The following EYA3 variants were observed in gnomAD, a reference collection of about 807,000 sequenced individuals.
The protein encoded by EYA3 is protein phosphatase EYA3.
Under a neutral mutation model 80.0 loss-of-function variants are expected in EYA3, and 39 were observed. The observed-to-expected ratio is 0.49, with a 90% CI of 0.38 to 0.64. The LOEUF (loss-of-function observed/expected upper bound fraction) is 0.64, where lower values mean the gene tolerates loss of function less well. Among genes scored for constraint, EYA3 ranks in the 30% least tolerant of loss-of-function variants. EYA3 has a pLI of 0.00. For missense variants in EYA3, 523 were observed against 676.1 expected (o/e 0.77, Z 2.51); for synonymous variants, 206 against 232.8 (o/e 0.88, Z 1.05).
rs150811123 is a variant in EYA3, at chr1:28,019,836, G to A, written c.500-2597C>T. ...CTGCCTCAGTTTCCCAGGTAGCTGAGATTACAGACATGCACCACCAAGCCC... is the reference window on the plus strand; with the variant it reads ...CTGCCTCAGTTTCCCAGGTAGCTGAAATTACAGACATGCACCACCAAGCCC... On this transcript the variant is annotated intron_variant, in intron 7 of 17. Coordinates refer to ENST00000373871, the MANE Select transcript of EYA3 (RefSeq NM_001990.4). 6.8e-3 allele frequency among the ~76,000 whole-genome samples: 1,034 copies of A among 152,172 alleles called. 4 individuals are homozygous for A. The highest frequency in any genetic ancestry group is 0.012 in the Non-Finnish European group (835 of 68,002).
intron 6 of EYA3, among the ~76,000 whole-genome samples, 155 bp downstream of exon 6, chr1:28,035,389 T>A (rs1331724005): frequency 6.6e-6 from 1 of 152,144 alleles, no homozygotes; most frequent in East Asian, 1.9e-4. Context: ...AAAACTATGA[T>A]TTTTTTATTA....
intron 10 of EYA3, among the ~76,000 whole-genome samples, chr1:28,008,210 A>C (rs1322608590): frequency 1.3e-5 from 2 of 152,178 alleles, no homozygotes; most frequent in African/African-American, 4.8e-5. Flanking sequence ...TCTTTTCAAC[A>C]AATAGTGCTG....
chr1:27,994,496 G>A (rs936958901), intron 13 of EYA3, among the ~76,000 whole-genome samples: 3 of 151,892 alleles, frequency 2.0e-5, no homozygotes, highest in Non-Finnish European at 4.4e-5. Context: ...GTCCCGCCTC[G>A]GCCAACATGG....
Position 28,038,870 on chromosome 1 carries a change from T to C in EYA3, c.193A>G (p.Asn65Asp), listed in dbSNP as rs1434983546. The C allele has an allele frequency of 6.2e-7, 1 of 1,601,000 alleles. No homozygotes were observed. Among genetic ancestry groups the C allele is most frequent in the South Asian group, 1.1e-5 (1 of 88,826 alleles). The change falls in exon 5 of 18, where the codon AAT becomes GAT. Residue 65 changes from asparagine (N) to aspartate (D), a missense_variant. By Grantham distance (23) the Asn-to-Asp change is conservative. This residue lies in a region of EYA3 where 304 missense variants were observed against 343.3 expected (regional missense o/e 0.89). Coordinates refer to ENST00000373871, the MANE Select transcript of EYA3 (RefSeq NM_001990.4). ...TCTDYIPRSS[N>D]DYTSQMYSAK... is the part of the protein sequence containing the mutation. ...GAATACATTTGTGAGGTATAATCAT[T>C]GGATGAGCGAGGGATGTAATCGGTG...
Position 27,977,301 on chromosome 1 carries a change from C to T in EYA3, c.1641+1073G>A, listed in dbSNP as rs541674218. ...CCAATCTCATAGTTTATTATAGTTG[C>T]TAAGGTTTCCACTTAACTGGATGAA... On this transcript the variant is annotated intron_variant, in intron 17 of 17. Transcript: ENST00000373871. 10 of 1,550,356 alleles carry T rather than the reference C, an allele frequency of 6.5e-6. No individual in the cohort carries two copies. The African/African-American group carries it at 9.6e-5, about 15-fold the overall frequency.
At chr1:27,984,067 T>C (rs976811921) in intron 16 of EYA3, among the ~76,000 whole-genome samples, 2 of 152,252 alleles carry the variant, frequency 1.3e-5, no homozygotes. Context: ...CTCCTTCTGT[T>C]GCCCAGGCTA....
At chr1:28,058,228 T>C in intron 1 of EYA3, 134 bp from the exon 2 acceptor site, 1 of 417,030 alleles carries the variant, frequency 2.4e-6, no homozygotes, top group Admixed American at 4.0e-5. Context: ...ATCTCAAACC[T>C]GCACGTGGCT....
At chr1:27,997,252 C>T (rs1450282506) in intron 13 of EYA3, 68 bp downstream of exon 13, 1 of 1,425,386 alleles carries the variant, frequency 7.0e-7, no homozygotes, top group East Asian at 2.3e-5. Context: ...TGTTTTCCTC[C>T]AAACCTAGAC....
Position 28,012,307 on chromosome 1 carries a change from T to C in EYA3, c.769+804A>G, listed in dbSNP as rs189990108. ...AACAAAGATATTTAGAAAAATGACT[T>C]TAAAACCTTAGTTTTTAATCAACAC... is the stretch of plus-strand genomic sequence containing the variant. On this transcript the variant is annotated intron_variant, in intron 9 of 17. Transcript: ENST00000373871. Among the ~76,000 whole-genome samples, 315 of 152,348 alleles carry C rather than the reference T, an allele frequency of 2.1e-3. 1 individual carries two copies. The highest frequency in any genetic ancestry group is 7.3e-3 in the African/African-American group (302 of 41,578).
chr1:28,035,287 T>C (rs1301330997), intron 6 of EYA3, among the ~76,000 whole-genome samples: 2 of 152,178 alleles, frequency 1.3e-5, no homozygotes, highest in Non-Finnish European at 2.9e-5. Flanking sequence ...GTCAAATCAA[T>C]AGCAAATCCT....
At chr1:28,057,897 T>G (rs1557626615) in intron 2 of EYA3, 97 bp downstream of exon 2, 13 of 657,530 alleles carry the variant, frequency 2.0e-5, no homozygotes, top group Non-Finnish European at 3.1e-5. Flanking sequence ...TTCCTTATTT[T>G]TATTTCTAAT....
chr1:28,025,682 A>T (rs1338726277), intron 7 of EYA3, among the ~76,000 whole-genome samples: 1 of 152,218 alleles, frequency 6.6e-6, no homozygotes, highest in Non-Finnish European at 1.5e-5. Flanking sequence ...AAAGGAAAAA[A>T]TGTTCTAACA....
At chr1:28,015,918 A>G (rs1292308493) in intron 8 of EYA3, among the ~76,000 whole-genome samples, 1 of 152,236 alleles carries the variant, frequency 6.6e-6, no homozygotes, top group East Asian at 1.9e-4. Context: ...ACAAAGAGAC[A>G]TAAAAAGGGC....
rs1638838071 is a variant in EYA3, at chr1:27,974,353, TAGAGAC to T, written c.*107_*112del. ...AGAGAAAGAGAGAAAGAGAGAGAGA[TAGAGAC>T]AGAGACACAGAGAGAGACAGACAGA... On this transcript the variant is annotated 3_prime_UTR_variant, in exon 18 of 18. Transcript: ENST00000373871. The T allele has an allele frequency of 1.6e-6, 1 of 631,140 alleles. No homozygotes were observed. The highest frequency in any genetic ancestry group is 2.7e-6 in the Non-Finnish European group (1 of 372,228). The allele number at this position is 631,140 out of a possible 1,614,324, so 39.1% of individuals were successfully genotyped here. A position where few individuals can be genotyped will look rare whatever the true frequency, so the allele number is the denominator to read the frequency against.
chr1:27,996,975 C>T (rs1001462073), intron 13 of EYA3, among the ~76,000 whole-genome samples: 13 of 152,158 alleles, frequency 8.5e-5, no homozygotes, highest in South Asian at 6.2e-4. Flanking sequence ...TCCTGCCTCG[C>T]GCTTCTAAGA....
rs1219982231 is a variant in EYA3, at chr1:27,973,785, G to C, written c.*681C>G. 2.0e-5 allele frequency: 3 copies of C among 152,166 alleles called. No homozygotes were observed. The highest frequency in any genetic ancestry group is 7.2e-5 in the African/African-American group (3 of 41,420). The allele number at this position is 152,166 out of a possible 1,614,324, so 9.4% of individuals were successfully genotyped here. On this transcript the variant is annotated 3_prime_UTR_variant, in exon 18 of 18. Transcript: ENST00000373871. Reference sequence around the variant, plus strand: ...GCTACTGCCACAGGGAGGTATTTTAGATATTTCAATTACTATTTTCAAGAC... The same window carrying C: ...GCTACTGCCACAGGGAGGTATTTTACATATTTCAATTACTATTTTCAAGAC...
At chr1:27,979,351 G>C (rs1478569320) in intron 16 of EYA3, among the ~76,000 whole-genome samples, 1 of 152,196 alleles carries the variant, frequency 6.6e-6, no homozygotes, top group Non-Finnish European at 1.5e-5. Context: ...ATAGAACTGA[G>C]AACAGTGACC....
In EYA3 at chr1:27,972,156, G is replaced by A. The variant is rs1638757935; in HGVS notation, c.*2310C>T. 1 of 152,218 alleles carries A rather than the reference G, an allele frequency of 6.6e-6. No homozygotes were observed. The highest frequency in any genetic ancestry group is 2.4e-5 in the African/African-American group (1 of 41,438). The allele number at this position is 152,218 out of a possible 1,614,324, so 9.4% of individuals were successfully genotyped here. On this transcript the variant is annotated 3_prime_UTR_variant, in exon 18 of 18. Transcript: ENST00000373871. ...CACTCCGCAGCCTCACAAACCTGAA[G>A]CGCAGCACAACAGCCGTGGCCTTTG...
intron 10 of EYA3, among the ~76,000 whole-genome samples, chr1:28,008,014 T>C (rs1048733336): frequency 6.6e-6 from 1 of 152,216 alleles, no homozygotes; most frequent in Non-Finnish European, 1.5e-5. Context: ...AGTGTGGTAC[T>C]AGCATAAGGA....
Sources: allele counts gnomAD v4.1 joint callset (sites outside exome capture counted in the v4.1 genomes callset), GRCh38; gene constraint gnomAD v4.1.1; regional missense constraint gnomAD v4.1.1; transcripts MANE v1.5; gene names NCBI Gene and HGNC (gene_info 2026-07-23, HGNC 2026-07-21).